Variants in NRXN2 observed in about 807,000 individuals in gnomAD.
The protein encoded by NRXN2 is neurexin 2, also known as neurexin-2-beta.
Under a neutral mutation model 128.8 loss-of-function variants are expected in NRXN2, and 29 were observed. The ratio of observed to expected loss-of-function variants is 0.23; its 90% CI spans 0.17 to 0.31. NRXN2 has a LOEUF of 0.31. Among genes scored for constraint, NRXN2 ranks in the 10% least tolerant of loss-of-function variants. The probability of loss-of-function intolerance (pLI) is 1.00; values close to 1 mark genes in which losing one functional copy is unlikely to be tolerated. For missense variants in NRXN2, 1,881 were observed against 2,452.6 expected (o/e 0.77, Z 4.92); for synonymous variants, 1,098 against 1,075.2 (o/e 1.02, Z -0.41).
intron 2 of NRXN2, among the ~76,000 whole-genome samples, chr11:64,706,604 C>A (rs991363879): frequency 1.3e-5 from 2 of 152,122 alleles, no homozygotes; most frequent in African/African-American, 4.8e-5. Context: ...TAAGCCAGAT[C>A]ATCAAGACCT....
chr11:64,684,721 GA>G (rs778140380), intron 6 of NRXN2, among the ~76,000 whole-genome samples: 4 of 152,180 alleles, frequency 2.6e-5, no homozygotes, highest in Non-Finnish European at 5.9e-5. Flanking sequence ...CACACCGCTA[GA>G]ACCAGGAAGT....
In NRXN2 at chr11:64,667,460, G is replaced by A; in HGVS notation, c.1588C>T (p.Leu530=). 1 of 1,614,134 alleles carries A rather than the reference G, an allele frequency of 6.2e-7. No individual in the cohort carries two copies. ...DFRTTEPNGL[L]LFSQGRRAGG... is the part of the protein sequence containing the mutation. ...GCCCGCCGGCCCTGGCTGAAGAGCA[G>A]CAGCCCATTGGGCTCGGTGGTGCGG... Residue 530 remains leucine (L), a synonymous_variant, in exon 9 of 23, where the codon CTG becomes TTG. Coordinates refer to ENST00000265459, the MANE Select transcript of NRXN2 (RefSeq NM_015080.4). This position sits in a 1 kb window ranked among gnomAD's most constrained non-coding sequence, Gnocchi z 5.6.
Position 64,608,030 on chromosome 11 carries a change from G to C in NRXN2, c.4305C>G (p.Pro1435=). The C allele has an allele frequency of 6.4e-7, 1 of 1,568,670 alleles. No individual in the cohort carries two copies. Among genetic ancestry groups the C allele is most frequent in the Non-Finnish European group, 8.6e-7 (1 of 1,162,656 alleles). ...GCACGAAGGGGGATCGGGTGGCCACGGGAGGGGGGTCTAAGGAGTCCTCCG... is the reference window on the plus strand; with the variant it reads ...GCACGAAGGGGGATCGGGTGGCCACCGGAGGGGGGTCTAAGGAGTCCTCCG... ...IITEDSLDPP[P]VATRSPFVPP... The change falls in exon 23 of 23, where the codon CCC becomes CCG. Residue 1435 remains proline (P), a synonymous_variant. Transcript: ENST00000265459.
rs1302524701 is a variant in NRXN2, at chr11:64,660,702, A to G, written c.2185+51T>C. ...GAAAGTAGGAGTCACCCTGAGAAGG[A>G]GGAGCACAGGGATAGGGAGCAGGGA... On this transcript the variant is annotated intron_variant, in intron 10 of 22. Coordinates refer to ENST00000265459, the MANE Select transcript of NRXN2 (RefSeq NM_015080.4). The surrounding 1 kb of genome is among the most constrained non-coding windows in gnomAD (Gnocchi z 5.2). The G allele has an allele frequency of 6.2e-7, 1 of 1,603,710 alleles. No individual in the cohort carries two copies. Among genetic ancestry groups the G allele is most frequent in the Non-Finnish European group, 8.5e-7 (1 of 1,179,182 alleles).
At chr11:64,718,083 T>C (rs1400065931) in intron 1 of NRXN2, among the ~76,000 whole-genome samples, 1 of 152,172 alleles carries the variant, frequency 6.6e-6, no homozygotes, top group Non-Finnish European at 1.5e-5. Flanking sequence ...AAAGCAAGAC[T>C]AGAACCAAAG....
rs2042539469 is a variant in NRXN2 at position 64,622,692 on chromosome 11, A to C, written c.4173+61T>G. On this transcript the variant is annotated intron_variant, in intron 21 of 22. Coordinates refer to ENST00000265459, the MANE Select transcript of NRXN2 (RefSeq NM_015080.4). The surrounding 1 kb of genome is among the most constrained non-coding windows in gnomAD (Gnocchi z 4.3). ...CTAGGCACCACTACTGTGGCTATGCAGATATCAACCCCATCCCCACCTATC... is the reference window on the plus strand; with the variant it reads ...CTAGGCACCACTACTGTGGCTATGCCGATATCAACCCCATCCCCACCTATC... 3 of 1,563,242 alleles carry C rather than the reference A, an allele frequency of 1.9e-6. No homozygotes were observed. The highest frequency in any genetic ancestry group is 2.6e-6 in the Non-Finnish European group (3 of 1,155,286).
In NRXN2 at chr11:64,713,079, C is replaced by A; in HGVS notation, c.621G>T (p.Ala207=). The change falls in exon 2 of 23, where the codon GCG becomes GCT. Residue 207 remains alanine, a synonymous_variant. Transcript: ENST00000265459. Reference sequence around the variant, plus strand: ...CGTTGGCGCAGGGGTTGCGCGCGGGCGCGCACAGCGGGTCGGCGGTGGCGC... The same window carrying A: ...CGTTGGCGCAGGGGTTGCGCGCGGGAGCGCACAGCGGGTCGGCGGTGGCGC... The part of the protein sequence containing the change: ...LRGATADPLC[A]PARNPCANGG... 3 of 1,299,214 alleles carry A rather than the reference C, an allele frequency of 2.3e-6. No individual in the cohort carries two copies. The highest frequency in any genetic ancestry group is 2.9e-6 in the Non-Finnish European group (3 of 1,033,068). The allele number at this position is 1,299,214 out of a possible 1,614,324, so 80.5% of individuals were successfully genotyped here. A position where few individuals can be genotyped will look rare whatever the true frequency, so the allele number is the denominator to read the frequency against.
At position 64,690,451 on chromosome 11, in the gene NRXN2, C is replaced by G; in HGVS notation, c.804G>C (p.Gly268=). The change falls in exon 5 of 23, where the codon GGG becomes GGC. Residue 268 remains glycine, a synonymous_variant. Coordinates refer to ENST00000265459, the MANE Select transcript of NRXN2 (RefSeq NM_015080.4). ...CGCCGGCTCCTCCTCTCCCGGCCCCCCCCTCGGAGAACAGTAAGGACCCTA... is the reference window on the plus strand; with the variant it reads ...CGCCGGCTCCTCCTCTCCCGGCCCCGCCCTCGGAGAACAGTAAGGACCCTA... ...SEVGSLLFSE[G]GAGRGGAGDV... is the part of the protein sequence containing the mutation. The G allele has an allele frequency of 1.9e-6, 3 of 1,613,692 alleles. No individual in the cohort carries two copies. Among genetic ancestry groups the G allele is most frequent in the Non-Finnish European group, 1.7e-6 (2 of 1,179,932 alleles).
At chr11:64,685,496 C>A in intron 6 of NRXN2, 150 bp downstream of exon 6, 1 of 1,047,714 alleles carries the variant, frequency 9.5e-7, no homozygotes, top group Non-Finnish European at 1.4e-6. Context: ...ATGTCGGGAC[C>A]CTCACAGCCC....
intron 22 of NRXN2, among the ~76,000 whole-genome samples, chr11:64,608,383 A>G (rs1418991314): frequency 3.9e-5 from 6 of 152,230 alleles, no homozygotes; most frequent in Non-Finnish European, 7.3e-5. Context: ...AGAAACAGAA[A>G]AAAAAACTCT....
In NRXN2 at chr11:64,648,104, A is replaced by G; in HGVS notation, c.3403+115T>C. On this transcript the variant is annotated intron_variant, in intron 17 of 22. Transcript: ENST00000265459. The surrounding 1 kb of genome is among the most constrained non-coding windows in gnomAD (Gnocchi z 4.1). ...ACTCTGCAGACAAGGGATGAGAAGG[A>G]AGAAGCAGCACAGCTCCTGAATGCT... 1 of 1,445,636 alleles carries G rather than the reference A, an allele frequency of 6.9e-7. No individual in the cohort carries two copies. Among genetic ancestry groups the G allele is most frequent in the Non-Finnish European group, 9.6e-7 (1 of 1,038,668 alleles). 89.6% of individuals were successfully genotyped at this position (1,445,636 alleles called of 1,614,324 possible).
At chr11:64,693,390 A>G (rs2054100403) in intron 3 of NRXN2, among the ~76,000 whole-genome samples, 1 of 152,012 alleles carries the variant, frequency 6.6e-6, no homozygotes, top group Non-Finnish European at 1.5e-5. Flanking sequence ...GGAGGAGAAA[A>G]TAAAACACGA....
In NRXN2 at chr11:64,622,048, C is replaced by CCCA. The variant is rs2042424817; in HGVS notation, c.4173+704_4173+705insTGG. Among the ~76,000 whole-genome samples the CCCA allele has an allele frequency of 6.6e-6, 1 of 152,140 alleles. No individual in the cohort carries two copies. Among genetic ancestry groups the CCCA allele is most frequent in the Admixed American group, 6.5e-5 (1 of 15,282 alleles). Reference sequence around the variant, plus strand: ...CTGGGACTAGGCTAGCTGGGGCCATCCAGATCAGCAGGTGGGGTGAGCACC... The same window carrying CCCA: ...CTGGGACTAGGCTAGCTGGGGCCATCCCACAGATCAGCAGGTGGGGTGAGCACC... On this transcript the variant is annotated intron_variant, in intron 21 of 22. Coordinates refer to ENST00000265459, the MANE Select transcript of NRXN2 (RefSeq NM_015080.4). This position sits in a 1 kb window ranked among gnomAD's most constrained non-coding sequence, Gnocchi z 4.3.
intron 7 of NRXN2, among the ~76,000 whole-genome samples, chr11:64,669,539 A>T (rs2050347366): frequency 6.6e-6 from 1 of 152,114 alleles, no homozygotes; most frequent in South Asian, 2.1e-4. Context: ...GGAATGGGGG[A>T]GTACTTGGTA....
intron 22 of NRXN2, among the ~76,000 whole-genome samples, chr11:64,620,031 C>A (rs1239694029): frequency 2.0e-5 from 3 of 152,356 alleles, no homozygotes; most frequent in African/African-American, 7.2e-5. Context: ...ACGCCTCCCT[C>A]CTTCTCTCCC....
chr11:64,648,916 G>T lies in NRXN2; in HGVS notation c.3110-9C>A. ...GCCAATGTACAACTCCCCTGCAAAG[G>T]GAGTGGGTCAACCAAGGCATCCAGG... On this transcript the variant is annotated splice_polypyrimidine_tract_variant and intron_variant, in intron 15 of 22. Transcript: ENST00000265459. This position sits in a 1 kb window ranked among gnomAD's most constrained non-coding sequence, Gnocchi z 4.1. The T allele has an allele frequency of 6.2e-7, 1 of 1,614,076 alleles. No individual in the cohort carries two copies. Among genetic ancestry groups the T allele is most frequent in the Non-Finnish European group, 8.5e-7 (1 of 1,179,984 alleles).
chr11:64,622,778 G>T lies in NRXN2; in HGVS notation c.4148C>A (p.Pro1383His). 6.2e-7 allele frequency: 1 copy of T among 1,610,776 alleles called. No homozygotes were observed. The highest frequency in any genetic ancestry group is 8.5e-7 in the Non-Finnish European group (1 of 1,179,382). Residue 1383 changes from proline to histidine, a missense_variant, in exon 21 of 23, where the codon CCC becomes CAC. Pro to His is a moderately conservative substitution (Grantham distance 77). Transcript: ENST00000265459. The surrounding 1 kb of genome is among the most constrained non-coding windows in gnomAD (Gnocchi z 4.3). ...CTGGGTGGTGCTGTCCCTCAGTGTG[G>T]GGGAGCGGCCCCGGCGCGTGGTGGT... ...ATTTTRRGRSPTLRDSTTQNT... is the reference protein window; with the variant it reads ...ATTTTRRGRSHTLRDSTTQNT...
At chr11:64,649,237 T>C (rs2047134074) in intron 15 of NRXN2, among the ~76,000 whole-genome samples, 1 of 152,124 alleles carries the variant, frequency 6.6e-6, no homozygotes, top group South Asian at 2.1e-4. Flanking sequence ...CTTTCATAGA[T>C]GCGCAGCCCA....
intron 5 of NRXN2, among the ~76,000 whole-genome samples, chr11:64,689,919 G>C (rs2053581609): frequency 6.6e-6 from 1 of 152,198 alleles, no homozygotes; most frequent in Non-Finnish European, 1.5e-5. Context: ...AACTTCTTAG[G>C]AAAGAGATTG....
Sources: gnomAD v4.1 joint callset for allele counts (sites outside exome capture counted in the v4.1 genomes callset) on GRCh38, gnomAD v4.1.1 for gene constraint, Gnocchi (gnomAD v3.1) non-coding constraint, MANE v1.5 for transcripts, NCBI Gene and HGNC (gene_info 2026-07-23, HGNC 2026-07-21) for gene names.